FRMD4B: variants seen among roughly 807,000 people sequenced by gnomAD.
FRMD4B encodes the protein FERM domain-containing protein 4B.
A neutral mutation model predicts 141.5 loss-of-function variants in FRMD4B; 74 were observed. The ratio of observed to expected loss-of-function variants is 0.52; its 90% CI spans 0.43 to 0.63. The LOEUF is 0.63. FRMD4B is among the 30% of genes least tolerant of loss of function. The pLI, the probability that FRMD4B is intolerant of heterozygous loss-of-function variation, is 0.00. For missense variants in FRMD4B, 1,366 were observed against 1,253.4 expected (o/e 1.09, Z -1.36); for synonymous variants, 506 against 467.9 (o/e 1.08, Z -1.05).
chr3:69,317,091 T>A (rs1381852944), intron 1 of FRMD4B, among the ~76,000 whole-genome samples: 3 of 149,198 alleles, frequency 2.0e-5, no homozygotes, highest in Admixed American at 6.7e-5. Context: ...AAAAAAAAAA[T>A]CATCTTTTTT....
At chr3:69,506,567 G>C (rs189459618) in intron 1 of FRMD4B, among the ~76,000 whole-genome samples, 2 of 150,938 alleles carry the variant, frequency 1.3e-5, no homozygotes, top group East Asian at 3.9e-4. Context: ...ACAGGATCTC[G>C]TTTTACCACC....
intron 2 of FRMD4B, among the ~76,000 whole-genome samples, chr3:69,426,810 T>C (rs968660863): frequency 6.6e-6 from 1 of 152,106 alleles, no homozygotes; most frequent in Admixed American, 6.5e-5. Context: ...CAGATGCGCT[T>C]AGGGGCTGAG....
intron 3 of FRMD4B, among the ~76,000 whole-genome samples, chr3:69,305,521 G>T (rs928168757): frequency 6.6e-6 from 1 of 152,224 alleles, no homozygotes; most frequent in East Asian, 1.9e-4. Context: ...ACGTTTAAAT[G>T]TGTGTCTTAA....
At chr3:69,490,348 A>T (rs982827344) in intron 1 of FRMD4B, among the ~76,000 whole-genome samples, 1 of 152,138 alleles carries the variant, frequency 6.6e-6, no homozygotes, top group Admixed American at 6.5e-5. Flanking sequence ...TTTCTTTAAG[A>T]TCTTTGCATC....
At chr3:69,437,667 C>CTATATATACTATAGTATATATGTAG (rs1355158321) in intron 1 of FRMD4B, among the ~76,000 whole-genome samples, 1 of 130,242 alleles carries the variant, frequency 7.7e-6, no homozygotes, top group African/African-American at 3.0e-5. Flanking sequence ...TGTATACATA[C>CTATATATACTATAGTATATATGTAG]TATATATACT....
At chr3:69,399,480 T>A (rs1386058578) in intron 2 of FRMD4B, among the ~76,000 whole-genome samples, 1 of 152,202 alleles carries the variant, frequency 6.6e-6, no homozygotes, top group South Asian at 2.1e-4. Context: ...GAGAAAATGA[T>A]GGTTAAATTA....
At position 69,171,299 on chromosome 3, in the gene FRMD4B, C is replaced by T. The variant is rs1182968400; in HGVS notation, c.*562G>A. The T allele has an allele frequency of 6.6e-6, 1 of 152,376 alleles. No individual in the cohort carries two copies. The highest frequency in any genetic ancestry group is 1.5e-5 in the Non-Finnish European group (1 of 68,186). The allele number at this position is 152,376 out of a possible 1,614,324, so 9.4% of individuals were successfully genotyped here. A position where few individuals can be genotyped will look rare whatever the true frequency, so the allele number is the denominator to read the frequency against. On this transcript the variant is annotated 3_prime_UTR_variant, in exon 23 of 23. Coordinates refer to ENST00000398540, the MANE Select transcript of FRMD4B (RefSeq NM_015123.3). ...TAGTATCCTAAAAAACATTTACACTCATTCAGAACTTCATGAAAATCCAGC... is the reference window on the plus strand; with the variant it reads ...TAGTATCCTAAAAAACATTTACACTTATTCAGAACTTCATGAAAATCCAGC...
intron 5 of FRMD4B, among the ~76,000 whole-genome samples, chr3:69,270,721 A>G (rs2093590759): frequency 6.6e-6 from 1 of 151,952 alleles, no homozygotes; most frequent in Non-Finnish European, 1.5e-5. Context: ...GCCCGCCATC[A>G]TGCCCGGCTA....
At position 69,480,961 on chromosome 3, in the gene FRMD4B, A is replaced by G. The variant is rs1213267745; in HGVS notation, c.-128-48200T>C. ...CTCTGCCGCCTTGCAGTTTGATCTC[A>G]GACTGCTGTGCTAGCAATCAGCGAG... On this transcript the variant is annotated intron_variant, in intron 1 of 5. Transcript: ENST00000459638. 3.3e-5 allele frequency among the ~76,000 whole-genome samples: 5 copies of G among 152,262 alleles called. No homozygotes were observed. The East Asian group carries it at 9.7e-4, about 30-fold the overall frequency.
chr3:69,209,447 C>T (rs1436916276), intron 11 of FRMD4B, among the ~76,000 whole-genome samples: 1 of 152,192 alleles, frequency 6.6e-6, no homozygotes, highest in African/African-American at 2.4e-5. Flanking sequence ...AAATAACCCA[C>T]TCAGTGAAAT....
At chr3:69,264,318 G>T in intron 5 of FRMD4B, among the ~76,000 whole-genome samples, 1 of 152,142 alleles carries the variant, frequency 6.6e-6, no homozygotes, top group East Asian at 1.9e-4. Context: ...TGCCACAGTT[G>T]TAGCTCCAGA....
chr3:69,390,316 G>C (rs9813311), upstream of FRMD4B, among the ~76,000 whole-genome samples: 100,234 of 151,408 alleles, frequency 0.66, 33,366 homozygotes, highest in Non-Finnish European at 0.68. Flanking sequence ...TAAACTGACA[G>C]ATCATGGACG....
At chr3:69,317,489 G>A (rs1268629243) in intron 1 of FRMD4B, among the ~76,000 whole-genome samples, 3 of 152,158 alleles carry the variant, frequency 2.0e-5, no homozygotes, top group Non-Finnish European at 4.4e-5. Flanking sequence ...GCTAGCGCCT[G>A]TAATCCCAGC....
At chr3:69,222,025 A>C (rs955564063) in intron 8 of FRMD4B, 102 bp from the exon 9 acceptor site, 46 of 704,938 alleles carry the variant, frequency 6.5e-5, no homozygotes, top group Non-Finnish European at 1.1e-4. Context: ...TGAGAGAGAA[A>C]GCCTTCACCA....
At chr3:69,224,378 C>A (rs1165062254) in intron 8 of FRMD4B, among the ~76,000 whole-genome samples, 1 of 152,176 alleles carries the variant, frequency 6.6e-6, no homozygotes, top group African/African-American at 2.4e-5. Flanking sequence ...AAACATCAGC[C>A]AGCTGCTCTT....
chr3:69,350,761 G>T (rs1703116033), intron 1 of FRMD4B, among the ~76,000 whole-genome samples: 2 of 150,562 alleles, frequency 1.3e-5, no homozygotes, highest in African/African-American at 4.9e-5. Context: ...ACTCACAGGT[G>T]GGAATTGAAC....
chr3:69,300,729 T>A (rs1331341466), intron 4 of FRMD4B, among the ~76,000 whole-genome samples: 1 of 152,012 alleles, frequency 6.6e-6, no homozygotes, highest in Non-Finnish European at 1.5e-5. Context: ...AACCTATTGG[T>A]TTTTTTTGTT....
chr3:69,392,460 G>T (rs1704400569), intron 2 of FRMD4B, among the ~76,000 whole-genome samples: 1 of 152,124 alleles, frequency 6.6e-6, no homozygotes, highest in African/African-American at 2.4e-5. Context: ...GTGGCAAGAA[G>T]GATCCCATAT....
intron 19 of FRMD4B, among the ~76,000 whole-genome samples, chr3:69,186,146 T>A (rs1183007723): frequency 1.3e-5 from 2 of 152,166 alleles, no homozygotes; most frequent in Non-Finnish European, 2.9e-5. Flanking sequence ...CGATTAATAT[T>A]GCCACAACGA....
Sources: allele counts gnomAD v4.1 joint callset (sites outside exome capture counted in the v4.1 genomes callset), GRCh38; gene constraint gnomAD v4.1.1; transcripts MANE v1.5; gene names NCBI Gene and HGNC (gene_info 2026-07-23, HGNC 2026-07-21).